The following LRMDA variants were observed in gnomAD, a reference collection of about 807,000 sequenced individuals.
LRMDA encodes the protein leucine-rich melanocyte differentiation-associated protein.
In LRMDA, 18 loss-of-function variants were observed where a neutral mutation model predicts 29.8. The observed-to-expected ratio is 0.60, with a 90% CI of 0.42 to 0.90. The LOEUF is 0.90. LRMDA is among the 40% of genes least tolerant of loss of function. The probability of loss-of-function intolerance (pLI) is 0.00; values close to 1 mark genes in which losing one functional copy is unlikely to be tolerated. For missense variants in LRMDA, 273 were observed against 273.9 expected (o/e 1.00, Z 0.02); for synonymous variants, 125 against 109.4 (o/e 1.14, Z -0.89).
intron 6 of LRMDA, among the ~76,000 whole-genome samples, chr10:76,367,708 A>G (rs1841407709): frequency 1.3e-5 from 2 of 152,108 alleles, no homozygotes; most frequent in Admixed American, 1.3e-4. Context: ...TCGGCCTCCC[A>G]AAGTGCTGGG....
At chr10:76,233,578 T>C (rs1283128772) in intron 5 of LRMDA, among the ~76,000 whole-genome samples, 1 of 152,200 alleles carries the variant, frequency 6.6e-6, no homozygotes, top group Admixed American at 6.5e-5. Flanking sequence ...AGAACTTCTT[T>C]TAAAATTAGA....
chr10:75,642,099 AG>A (rs1841461221), intron 2 of LRMDA, among the ~76,000 whole-genome samples: 1 of 152,176 alleles, frequency 6.6e-6, no homozygotes, highest in Non-Finnish European at 1.5e-5. Flanking sequence ...TTGGCTGAGA[AG>A]GGGGTAAAGA....
rs558733492 is a variant in LRMDA at position 76,034,833 on chromosome 10, C to T, written c.132-1175C>T. On this transcript the variant is annotated intron_variant, in intron 2 of 6. Coordinates refer to ENST00000611255, the MANE Select transcript of LRMDA (RefSeq NM_001305581.2). ...CGGCATCCCCTACGTGTCTCCCTCC[C>T]GTCCACATCGTAGCTCAGCTGTCAG... Among the ~76,000 whole-genome samples, 4 of 152,262 alleles carry T rather than the reference C, an allele frequency of 2.6e-5. No homozygotes were observed. In the South Asian group the frequency reaches 6.2e-4, roughly 24 times the overall value.
intron 6 of LRMDA, among the ~76,000 whole-genome samples, chr10:76,407,645 G>T (rs1289585373): frequency 6.6e-6 from 1 of 152,166 alleles, no homozygotes; most frequent in Non-Finnish European, 1.5e-5. Flanking sequence ...GAGGGGTTAA[G>T]AAATATGCAC....
At chr10:76,451,679 C>T (rs896067008) in intron 6 of LRMDA, among the ~76,000 whole-genome samples, 1 of 134,206 alleles carries the variant, frequency 7.5e-6, no homozygotes, top group African/African-American at 2.8e-5. Flanking sequence ...GGGTGGTGGA[C>T]AGAGTTTCAA....
chr10:76,399,898 C>A (rs1412333035), intron 6 of LRMDA, among the ~76,000 whole-genome samples: 2 of 152,138 alleles, frequency 1.3e-5, no homozygotes, highest in Non-Finnish European at 2.9e-5. Context: ...TTCCACCAAT[C>A]CAGTCATCCT....
At chr10:76,147,166 G>C (rs1327125886) in intron 5 of LRMDA, among the ~76,000 whole-genome samples, 1 of 152,126 alleles carries the variant, frequency 6.6e-6, no homozygotes, top group Non-Finnish European at 1.5e-5. Flanking sequence ...ATGTGTCTTG[G>C]AGTTGCTCCT....
chr10:76,130,441 G>A (rs769761245), intron 5 of LRMDA, among the ~76,000 whole-genome samples: 16 of 152,114 alleles, frequency 1.1e-4, no homozygotes, highest in Non-Finnish European at 2.1e-4. Context: ...CTGATAACTT[G>A]TAAATGGAGA....
At position 76,261,064 on chromosome 10, in the gene LRMDA, C is replaced by CTTTTTTTTT. The variant is rs58554883; in HGVS notation, c.517-63327_517-63319dup. Among the ~76,000 whole-genome samples, 170 of 117,676 alleles carry CTTTTTTTTT rather than the reference C, an allele frequency of 1.4e-3. 2 individuals carry two copies. Among genetic ancestry groups the CTTTTTTTTT allele is most frequent in the African/African-American group, 2.2e-3 (64 of 29,620 alleles). The allele number at this position is 117,676 out of a possible 152,430, so 77.2% of individuals were successfully genotyped here. Reference sequence around the variant, plus strand: ...GATTGACTTGCGTTTCTTTTCTTTTCTTTTTTTTTTTTTTTTTTGAGACGG... The same window carrying CTTTTTTTTT: ...GATTGACTTGCGTTTCTTTTCTTTTCTTTTTTTTTTTTTTTTTTTTTTTTTTTGAGACGG... On this transcript the variant is annotated intron_variant, in intron 5 of 6. Transcript: ENST00000611255.
At chr10:75,753,170 C>T (rs1197669989) in intron 2 of LRMDA, among the ~76,000 whole-genome samples, 2 of 152,106 alleles carry the variant, frequency 1.3e-5, no homozygotes, top group Non-Finnish European at 2.9e-5. Flanking sequence ...CCCTACAAAG[C>T]TGGAATCTCA....
At chr10:76,409,603 G>A (rs776928152) in intron 6 of LRMDA, among the ~76,000 whole-genome samples, 6 of 152,042 alleles carry the variant, frequency 3.9e-5, no homozygotes, top group South Asian at 2.1e-4. Context: ...TTGTGATCCT[G>A]TTGAAAATTG....
intron 2 of LRMDA, among the ~76,000 whole-genome samples, chr10:75,757,829 GCA>G (rs1393728985): frequency 6.9e-6 from 1 of 144,998 alleles, no homozygotes; most frequent in Non-Finnish European, 1.5e-5. Context: ...AGATGGAGTC[GCA>G]CTCTGTCATC....
intron 6 of LRMDA, among the ~76,000 whole-genome samples, chr10:76,361,304 C>A (rs1288801362): frequency 6.6e-6 from 1 of 151,538 alleles, no homozygotes; most frequent in African/African-American, 2.4e-5. Context: ...GAAGGGGGAC[C>A]AGGATAGATT....
chr10:76,220,494 C>T (rs1350031354), intron 5 of LRMDA, among the ~76,000 whole-genome samples: 1 of 152,184 alleles, frequency 6.6e-6, no homozygotes, highest in East Asian at 1.9e-4. Flanking sequence ...ACAAACACCT[C>T]TATGCAAATA....
intron 6 of LRMDA, among the ~76,000 whole-genome samples, chr10:76,537,567 T>C (rs1386369371): frequency 6.6e-6 from 1 of 152,228 alleles, no homozygotes; most frequent in Non-Finnish European, 1.5e-5. Flanking sequence ...TCCTTGCTCC[T>C]GGCCCCTTCC....
intron 2 of LRMDA, among the ~76,000 whole-genome samples, chr10:75,522,347 T>C (rs1038050585): frequency 3.9e-5 from 6 of 152,212 alleles, no homozygotes; most frequent in Non-Finnish European, 2.9e-5. Flanking sequence ...TCATCTGGTA[T>C]AGGGGTTGCA....
At chr10:76,057,361 G>A (rs893663742) in intron 4 of LRMDA, among the ~76,000 whole-genome samples, 2 of 152,180 alleles carry the variant, frequency 1.3e-5, no homozygotes, top group African/African-American at 4.8e-5. Context: ...CACATAGTAG[G>A]TGATCAAGAA....
chr10:75,662,993 T>G (rs1841774293), intron 2 of LRMDA, among the ~76,000 whole-genome samples: 1 of 152,198 alleles, frequency 6.6e-6, no homozygotes, highest in African/African-American at 2.4e-5. Flanking sequence ...TTCTTGGAAC[T>G]TTGTCTGGAC....
At chr10:76,158,500 C>T (rs16932937) in intron 5 of LRMDA, among the ~76,000 whole-genome samples, 2,712 of 151,986 alleles carry the variant, frequency 0.018, 68 homozygotes, top group African/African-American at 0.063. Flanking sequence ...GAGTAGAAAG[C>T]TCAGTCTTAT....
Sources: allele counts gnomAD v4.1 joint callset (sites outside exome capture counted in the v4.1 genomes callset), GRCh38; gene constraint gnomAD v4.1.1; transcripts MANE v1.5; gene names NCBI Gene and HGNC (gene_info 2026-07-23, HGNC 2026-07-21).